The following SYVN1 variants were observed in gnomAD, a reference collection of about 807,000 sequenced individuals.
The protein encoded by SYVN1 is E3 ubiquitin-protein ligase synoviolin.
SYVN1 carries 17 observed loss-of-function variants against 62.6 expected under a neutral mutation model. The ratio of observed to expected loss-of-function variants is 0.27; its 90% CI spans 0.19 to 0.41. The LOEUF is 0.41. Ranked by LOEUF, SYVN1 falls within the 10% of genes least tolerant of loss-of-function variation. The pLI is 1.00. For synonymous variants in SYVN1, 316 were observed against 304.0 expected, an observed-to-expected ratio of 1.04 and a Z score of -0.41; for missense variants, 634 against 818.0, an observed-to-expected ratio of 0.78 and a Z score of 2.74.
intron 14 of SYVN1, chr11:65,129,269 A>G (rs1948143982): frequency 1.2e-5 from 2 of 172,700 alleles, no homozygotes; most frequent in Non-Finnish European, 2.5e-5. Context: ...ATGAATATGA[A>G]TTAAGACCCC....
intron 14 of SYVN1, 106 bp from the exon 15 acceptor site, chr11:65,128,820 C>T: frequency 8.1e-7 from 1 of 1,229,650 alleles, no homozygotes; most frequent in Non-Finnish European, 1.1e-6. Context: ...AATGATGTGC[C>T]CTTGTGGCCC....
Position 65,128,361 on chromosome 11 carries a change from T to C in SYVN1, c.*21A>G. 3.8e-6 allele frequency: 6 copies of C among 1,598,766 alleles called. No homozygotes were observed. The highest frequency in any genetic ancestry group is 5.1e-6 in the Non-Finnish European group (6 of 1,170,374). On this transcript the variant is annotated 3_prime_UTR_variant, in exon 16 of 16. Transcript: ENST00000377190. ...GAGGGCTGCTCAAAAGAGCAGAGGC[T>C]GGGGCTGGGCTGGGGCAGTGTCAGT...
rs1807191863 is a variant in SYVN1 at position 65,134,490 on chromosome 11, G to C, written c.-52C>G. The C allele has an allele frequency of 6.5e-6, 1 of 152,726 alleles. No individual in the cohort carries two copies. 9.5% of individuals were successfully genotyped at this position (152,726 alleles called of 1,614,324 possible). A position where few individuals can be genotyped will look rare whatever the true frequency, so the allele number is the denominator to read the frequency against. The stretch of plus-strand genomic sequence containing the variant: ...AGCGCCGCGAGCCCGCTCAATCCGC[G>C]CGACTGCGGCTGCCCCTCCGGTTAA... On this transcript the variant is annotated 5_prime_UTR_variant, in exon 1 of 16. Transcript: ENST00000377190.
At chr11:65,132,588 T>G in intron 5 of SYVN1, 144 bp downstream of exon 5, 2 of 1,066,838 alleles carry the variant, frequency 1.9e-6, no homozygotes, top group Non-Finnish European at 2.9e-6. Flanking sequence ...TGAGAAGCCC[T>G]AGAGTGGAAC....
chr11:65,128,411 G>A lies in SYVN1; in HGVS notation c.1825C>T (p.Gln609Ter). The A allele has an allele frequency of 6.2e-7, 1 of 1,613,794 alleles. No individual in the cohort carries two copies. The highest frequency in any genetic ancestry group is 8.5e-7 in the Non-Finnish European group (1 of 1,179,952). ...DAAELRRRRL[Q>*]KLESPVAH ...TGGGCAACAGGAGACTCCAGCTTCTGCAGGCGGCGCCGGCGGAGCTCTGCT... is the reference window on the plus strand; with the variant it reads ...TGGGCAACAGGAGACTCCAGCTTCTACAGGCGGCGCCGGCGGAGCTCTGCT... The change falls in exon 16 of 16, where the codon CAG becomes TAG. Residue 609 changes from glutamine to a stop codon, truncating the protein, a stop_gained. Transcript: ENST00000377190. LOFTEE classifies it high-confidence loss of function.
chr11:65,132,320 G>A lies in SYVN1; in HGVS notation c.459C>T (p.Phe153=), dbSNP rs1948191372. The change falls in exon 6 of 16, where the codon TTC becomes TTT. Residue 153 remains phenylalanine, a synonymous_variant. Coordinates refer to ENST00000377190, the MANE Select transcript of SYVN1 (RefSeq NM_172230.3). ...TGTGATAGGCGTGGCTGACGAAGAGGAAGTCCAGGATGCCCAGGAGGAACA... is the reference window on the plus strand; with the variant it reads ...TGTGATAGGCGTGGCTGACGAAGAGAAAGTCCAGGATGCCCAGGAGGAACA... ...SLMFLLGILD[F]LFVSHAYHSI... 2.5e-6 allele frequency: 4 copies of A among 1,613,998 alleles called. No individual in the cohort carries two copies. Among genetic ancestry groups the A allele is most frequent in the African/African-American group, 1.3e-5 (1 of 74,942 alleles).
intron 14 of SYVN1, 74 bp downstream of exon 14, chr11:65,129,655 C>G (rs1168582658): frequency 6.8e-7 from 1 of 1,472,914 alleles, no homozygotes; most frequent in Non-Finnish European, 9.4e-7. Context: ...AGGCCAAGAA[C>G]CACTGCTGGG....
At chr11:65,131,427 G>GAT (rs1565347523) in intron 7 of SYVN1, 43 bp downstream of exon 7, 15 of 1,613,986 alleles carry the variant, frequency 9.3e-6, no homozygotes, top group Non-Finnish European at 1.3e-5. Flanking sequence ...AGGCAGAGTG[G>GAT]AGGATGCTGG....
At position 65,128,660 on chromosome 11, in the gene SYVN1, A is replaced by G. The variant is rs1948134986; in HGVS notation, c.1650T>C (p.Val550=). The change falls in exon 15 of 16, where the codon GTT becomes GTC. Residue 550 remains valine (V), a synonymous_variant. Coordinates refer to ENST00000377190, the MANE Select transcript of SYVN1 (RefSeq NM_172230.3). ...VNSTEETATT[V]VAAASSTSIP... The stretch of plus-strand genomic sequence containing the variant: ...TGCTGGTGGAGGAGGCAGCAGCAAC[A>G]ACTGTAGTGGCAGTCTCCTCAGTGG... 1 of 1,613,946 alleles carries G rather than the reference A, an allele frequency of 6.2e-7. No homozygotes were observed. The highest frequency in any genetic ancestry group is 8.5e-7 in the Non-Finnish European group (1 of 1,179,896).
Position 65,130,837 on chromosome 11 carries a change from C to G in SYVN1, c.942-14G>C, listed in dbSNP as rs1378025505. 2 of 1,586,604 alleles carry G rather than the reference C, an allele frequency of 1.3e-6. No homozygotes were observed. The highest frequency in any genetic ancestry group is 4.5e-5 in the East Asian group (2 of 44,710). Reference sequence around the variant, plus strand: ...GAGCGCAGGCAGCTGCGGGTCAAGGCCAGGCAGAGGTCAGCAGGTCCCTAG... The same window carrying G: ...GAGCGCAGGCAGCTGCGGGTCAAGGGCAGGCAGAGGTCAGCAGGTCCCTAG... On this transcript the variant is annotated splice_polypyrimidine_tract_variant and intron_variant, in intron 10 of 15. Coordinates refer to ENST00000377190, the MANE Select transcript of SYVN1 (RefSeq NM_172230.3).
chr11:65,128,690 G>C lies in SYVN1; in HGVS notation c.1620C>G (p.Val540=). Residue 540 remains valine, a synonymous_variant, in exon 15 of 16, where the codon GTC becomes GTG. Coordinates refer to ENST00000377190, the MANE Select transcript of SYVN1 (RefSeq NM_172230.3). ...TAGTGGCAGTCTCCTCAGTGGAGTT[G>C]ACTGAAGTGGCAGGCCGGGGGGGCC... ...SLGPPRPATS[V]NSTEETATTV... 6.2e-7 allele frequency: 1 copy of C among 1,612,804 alleles called. No individual in the cohort carries two copies. The highest frequency in any genetic ancestry group is 8.5e-7 in the Non-Finnish European group (1 of 1,179,398).
At position 65,128,299 on chromosome 11, in the gene SYVN1, G is replaced by C; in HGVS notation, c.*83C>G. On this transcript the variant is annotated 3_prime_UTR_variant, in exon 16 of 16. Coordinates refer to ENST00000377190, the MANE Select transcript of SYVN1 (RefSeq NM_172230.3). ...GGTACTACTCCCTGGTGCAGACAGA[G>C]AGGGAGCTGGCACTTGGTGGCAGGA... The C allele has an allele frequency of 1.7e-6, 2 of 1,151,114 alleles. No individual in the cohort carries two copies. Among genetic ancestry groups the C allele is most frequent in the Non-Finnish European group, 2.5e-6 (2 of 791,546 alleles). 71.3% of individuals were successfully genotyped at this position (1,151,114 alleles called of 1,614,324 possible).
chr11:65,129,633 G>T, intron 14 of SYVN1, 96 bp downstream of exon 14: 1 of 1,217,518 alleles, frequency 8.2e-7, no homozygotes, highest in Non-Finnish European at 1.2e-6. Context: ...AGCCTGAATT[G>T]GCAGGTGTCA....
At chr11:65,131,229 G>A in intron 8 of SYVN1, 32 bp from the exon 9 acceptor site, 4 of 1,613,970 alleles carry the variant, frequency 2.5e-6, no homozygotes, top group Non-Finnish European at 3.4e-6. Flanking sequence ...GCAGGAGAAG[G>A]GACGGGATCA....
chr11:65,129,807 C>T lies in SYVN1; in HGVS notation c.1517G>A (p.Ser506Asn). Residue 506 changes from serine to asparagine, a missense_variant, in exon 14 of 16, where the codon AGC becomes AAC. This residue lies in a region of SYVN1 where 351 missense variants were observed against 373.3 expected (regional missense o/e 0.94). Coordinates refer to ENST00000377190, the MANE Select transcript of SYVN1 (RefSeq NM_172230.3). ...ERQHLEARLQ[S>N]LRNIHTLLDA... The stretch of plus-strand genomic sequence containing the variant: ...CAGCAGTGTGTGGATGTTACGCAGG[C>T]TCTGCAGCCGGGCCTCCAGGTGCTG... 1.2e-6 allele frequency: 2 copies of T among 1,614,242 alleles called. No individual in the cohort carries two copies. The highest frequency in any genetic ancestry group is 1.7e-6 in the Non-Finnish European group (2 of 1,180,040).
Position 65,133,066 on chromosome 11 carries a change from C to T in SYVN1, c.234G>A (p.Leu78=). The T allele has an allele frequency of 1.9e-6, 3 of 1,614,212 alleles. No individual in the cohort carries two copies. The highest frequency in any genetic ancestry group is 2.5e-6 in the Non-Finnish European group (3 of 1,180,032). ...CTGTGACGGCGTACCAGGAACGTTC[C>T]AGAAGGTGCTGGGGGCCAGGCAGGG... ...QLRAAEMEHL[L]ERSWYAVTET... is the part of the protein sequence containing the mutation. Residue 78 remains leucine, a synonymous_variant, in exon 4 of 16, where the codon CTG becomes CTA. Coordinates refer to ENST00000377190, the MANE Select transcript of SYVN1 (RefSeq NM_172230.3).
Position 65,130,816 on chromosome 11 carries a change from G to A in SYVN1, c.949C>T (p.Arg317Cys). The A allele has an allele frequency of 1.3e-6, 2 of 1,564,078 alleles. No individual in the cohort carries two copies. The highest frequency in any genetic ancestry group is 1.7e-6 in the Non-Finnish European group (2 of 1,160,102). The change falls in exon 11 of 16, where the codon CGC becomes TGC. Residue 317 changes from arginine to cysteine, a missense_variant. Arg to Cys is a radical substitution (Grantham distance 180). Around this residue, in one of 2 missense-constraint regions of SYVN1, gnomAD observed 283 missense variants for 444.7 expected, o/e 0.64. Coordinates refer to ENST00000377190, the MANE Select transcript of SYVN1 (RefSeq NM_172230.3). ...CNHIFHTSCL[R>C]SWFQRQQTCP... ...GTCTGCTGCCGCTGGAACCAGGAGCGCAGGCAGCTGCGGGTCAAGGCCAGG... is the reference window on the plus strand; with the variant it reads ...GTCTGCTGCCGCTGGAACCAGGAGCACAGGCAGCTGCGGGTCAAGGCCAGG...
In SYVN1 at chr11:65,132,715, C is replaced by T; in HGVS notation, c.427+17G>A. 6 of 1,614,068 alleles carry T rather than the reference C, an allele frequency of 3.7e-6. No homozygotes were observed. The highest frequency in any genetic ancestry group is 5.1e-6 in the Non-Finnish European group (6 of 1,179,904). On this transcript the variant is annotated intron_variant, in intron 5 of 15. Coordinates refer to ENST00000377190, the MANE Select transcript of SYVN1 (RefSeq NM_172230.3). The stretch of plus-strand genomic sequence containing the variant: ...CACGTTCCAGTCCTCCCTTCCCCTC[C>T]CCTGAATCTCACTCACAGACAATGC...
intron 1 of SYVN1, 137 bp downstream of exon 1, chr11:65,134,319 G>T (rs1328767604): frequency 1.3e-5 from 2 of 152,538 alleles, no homozygotes; most frequent in African/African-American, 2.4e-5. Context: ...GGCCGCACCG[G>T]CGTCTGAGGT....
Sources: allele counts gnomAD v4.1 joint callset, GRCh38; gene constraint gnomAD v4.1.1; regional missense constraint gnomAD v4.1.1; transcripts MANE v1.5; gene names NCBI Gene and HGNC (gene_info 2026-07-23, HGNC 2026-07-21).